Variants in BFAR observed in about 807,000 individuals in gnomAD.
The protein encoded by BFAR is RING finger protein 47.
A neutral mutation model predicts 54.4 loss-of-function variants in BFAR; 52 were observed. That is an observed-to-expected ratio of 0.96 (90% CI 0.77 to 1.21). The LOEUF is 1.21. BFAR is among the 50% of genes most tolerant of loss of function. The pLI, the probability that BFAR is intolerant of heterozygous loss-of-function variation, is 0.00. For synonymous variants in BFAR, 215 were observed against 204.3 expected (o/e 1.05, Z -0.45); for missense variants, 571 against 534.0 (o/e 1.07, Z -0.68).
intron 2 of BFAR, among the ~76,000 whole-genome samples, chr16:14,647,380 C>T (rs140609652): frequency 1.2e-4 from 18 of 152,156 alleles, no homozygotes; most frequent in African/African-American, 2.6e-4. Context: ...CCACCACGCC[C>T]GGCTTAAAAA....
chr16:14,659,844 C>T (rs1036436669), intron 5 of BFAR, among the ~76,000 whole-genome samples: 2 of 152,082 alleles, frequency 1.3e-5, no homozygotes, highest in African/African-American at 2.4e-5. Flanking sequence ...AGCCACCACG[C>T]CCGGTCTCTA....
At chr16:14,650,175 A>C (rs1407667237) in intron 4 of BFAR, 1 of 451,306 alleles carries the variant, frequency 2.2e-6, no homozygotes, top group African/African-American at 2.0e-5. Flanking sequence ...TACAAAAAAA[A>C]AAAATTGGCC....
chr16:14,660,613 G>C (rs756183432), intron 5 of BFAR, among the ~76,000 whole-genome samples: 3 of 138,186 alleles, frequency 2.2e-5, no homozygotes, highest in Non-Finnish European at 3.1e-5. Context: ...AAGAAACGAG[G>C]TCTTACGCCA....
intron 4 of BFAR, among the ~76,000 whole-genome samples, chr16:14,653,845 C>T (rs1401760931): frequency 2.6e-5 from 4 of 151,086 alleles, no homozygotes; most frequent in African/African-American, 7.3e-5. Flanking sequence ...GTAATTAAAA[C>T]GACAGGTGCA....
intron 1 of BFAR, among the ~76,000 whole-genome samples, chr16:14,635,264 G>C (rs1959396378): frequency 6.6e-6 from 1 of 152,194 alleles, no homozygotes; most frequent in South Asian, 2.1e-4. Context: ...GAACCCAGGA[G>C]GCAGATGTTG....
At chr16:14,666,008 A>C (rs1461020815) in intron 7 of BFAR, among the ~76,000 whole-genome samples, 1 of 152,144 alleles carries the variant, frequency 6.6e-6, no homozygotes, top group East Asian at 1.9e-4. Flanking sequence ...CCCTCACAGC[A>C]CTGTTCTTTC....
intron 1 of BFAR, among the ~76,000 whole-genome samples, chr16:14,639,077 C>T (rs1360196662): frequency 6.6e-6 from 1 of 152,138 alleles, no homozygotes; most frequent in Non-Finnish European, 1.5e-5. Flanking sequence ...AAACAGGGTG[C>T]CACTGCCTCC....
intron 1 of BFAR, among the ~76,000 whole-genome samples, chr16:14,638,693 C>A (rs1426822513): frequency 6.6e-6 from 1 of 152,192 alleles, no homozygotes; most frequent in Non-Finnish European, 1.5e-5. Flanking sequence ...CGCCTGTAAT[C>A]CCAACACTTT....
At chr16:14,637,315 T>C (rs1959479815) in intron 1 of BFAR, among the ~76,000 whole-genome samples, 1 of 152,144 alleles carries the variant, frequency 6.6e-6, no homozygotes, top group South Asian at 2.1e-4. Flanking sequence ...GATTACTTTA[T>C]CAGGATAATG....
intron 2 of BFAR, among the ~76,000 whole-genome samples, chr16:14,648,030 A>G (rs894137414): frequency 6.6e-6 from 1 of 152,162 alleles, no homozygotes; most frequent in East Asian, 1.9e-4. Flanking sequence ...GCCTGAGCTC[A>G]GGAGTTCAAT....
chr16:14,643,525 T>C (rs970078022), intron 1 of BFAR, among the ~76,000 whole-genome samples: 1 of 152,194 alleles, frequency 6.6e-6, no homozygotes, highest in Admixed American at 6.5e-5. Context: ...GTTTATGGTA[T>C]GTGGATTTTA....
At chr16:14,662,960 G>T (rs1960333744) in intron 6 of BFAR, among the ~76,000 whole-genome samples, 1 of 152,140 alleles carries the variant, frequency 6.6e-6, no homozygotes, top group African/African-American at 2.4e-5. Context: ...GCAAGCAGTG[G>T]GATACGTGAC....
At chr16:14,636,151 G>A (rs1959428045) in intron 1 of BFAR, among the ~76,000 whole-genome samples, 1 of 152,228 alleles carries the variant, frequency 6.6e-6, no homozygotes, top group South Asian at 2.1e-4. Flanking sequence ...CCCCCATGAA[G>A]GGGTGGGTTG....
At chr16:14,648,284 G>A (rs1959860342) in intron 2 of BFAR, 104 bp from the exon 3 acceptor site, 2 of 841,306 alleles carry the variant, frequency 2.4e-6, no homozygotes, top group Non-Finnish European at 3.7e-6. Flanking sequence ...GTTCTCCTAG[G>A]GTAGCTATAT....
At chr16:14,651,623 GCA>G (rs946608239) in intron 4 of BFAR, among the ~76,000 whole-genome samples, 1 of 152,036 alleles carries the variant, frequency 6.6e-6, no homozygotes, top group Admixed American at 6.6e-5. Context: ...GGGACTGCAG[GCA>G]CATGCCATCA....
intron 1 of BFAR, among the ~76,000 whole-genome samples, chr16:14,637,354 G>T (rs1487791663): frequency 6.6e-6 from 1 of 150,682 alleles, no homozygotes; most frequent in South Asian, 2.1e-4. Flanking sequence ...CTTTAAGTCA[G>T]ACCATGATTT....
At chr16:14,665,109 G>C (rs1283060049) in intron 7 of BFAR, 38 bp downstream of exon 7, 1 of 1,534,380 alleles carries the variant, frequency 6.5e-7, no homozygotes, top group South Asian at 1.1e-5. Context: ...CAGGGGATGG[G>C]AAAGAAATAC....
chr16:14,643,830 G>C (rs1289521425), intron 1 of BFAR: 1 of 151,814 alleles, frequency 6.6e-6, no homozygotes, highest in African/African-American at 2.4e-5. Flanking sequence ...AGGTTTTCTG[G>C]TCTTTATCAG....
chr16:14,636,601 G>T (rs917136029), intron 1 of BFAR, among the ~76,000 whole-genome samples: 3 of 152,176 alleles, frequency 2.0e-5, no homozygotes, highest in African/African-American at 7.2e-5. Context: ...GCCCAGGGAC[G>T]GGCAGGAGAC....
Sources: gnomAD v4.1 joint callset for allele counts (sites outside exome capture counted in the v4.1 genomes callset) on GRCh38, gnomAD v4.1.1 for gene constraint, MANE v1.5 for transcripts, NCBI Gene and HGNC (gene_info 2026-07-23, HGNC 2026-07-21) for gene names.